The following NDUFA6 variants were observed in gnomAD, a reference collection of about 807,000 sequenced individuals.
NDUFA6 encodes NADH dehydrogenase [ubiquinone] 1 alpha subcomplex subunit 6.
NDUFA6 carries 10 observed loss-of-function variants against 12.5 expected under a neutral mutation model. The ratio of observed to expected loss-of-function variants is 0.80; its 90% CI spans 0.49 to 1.35. The LOEUF (loss-of-function observed/expected upper bound fraction) is 1.35, where lower values mean the gene tolerates loss of function less well. Ranked by LOEUF, NDUFA6 falls within the 40% of genes most tolerant of loss-of-function variation. The pLI, the probability that NDUFA6 is intolerant of heterozygous loss-of-function variation, is 0.00. For synonymous variants in NDUFA6, 66 were observed against 63.0 expected (o/e 1.05, Z -0.23); for missense variants, 177 against 173.5 (o/e 1.02, Z -0.11).
At position 42,085,857 on chromosome 22, in the gene NDUFA6, C is replaced by G; in HGVS notation, c.*326G>C. On this transcript the variant is annotated 3_prime_UTR_variant, in exon 3 of 3. Transcript: ENST00000498737. The stretch of plus-strand genomic sequence containing the variant: ...GTGCCCTGACACTGAAGTGTCTAAT[C>G]ATAGGGGCTATAGAAACAACTACAT... 4.6e-6 allele frequency: 2 copies of G among 431,398 alleles called. No individual in the cohort carries two copies. 26.7% of individuals were successfully genotyped at this position (431,398 alleles called of 1,614,324 possible). A position where few individuals can be genotyped will look rare whatever the true frequency, so the allele number is the denominator to read the frequency against.
At chr22:42,087,265 CCATT>C in intron 1 of NDUFA6, 90 bp from the exon 2 acceptor site, 1 of 1,002,064 alleles carries the variant, frequency 1.0e-6, no homozygotes, top group Non-Finnish European at 1.6e-6. Flanking sequence ...TACAGGTCGC[CCATT>C]CATTTCTTCA....
chr22:42,087,785 G>C (rs1279220038), intron 1 of NDUFA6, among the ~76,000 whole-genome samples: 1 of 148,442 alleles, frequency 6.7e-6, no homozygotes, highest in Non-Finnish European at 1.5e-5. Flanking sequence ...CTGGGTGACA[G>C]AGCGAGACTC....
Position 42,090,599 on chromosome 22 carries a change from C to A in NDUFA6, c.139+7G>T. The A allele has an allele frequency of 2.5e-6, 4 of 1,613,578 alleles. No individual in the cohort carries two copies. The highest frequency in any genetic ancestry group is 3.4e-6 in the Non-Finnish European group (4 of 1,179,964). On this transcript the variant is annotated splice_region_variant and intron_variant, in intron 1 of 2. Coordinates refer to ENST00000498737, the MANE Select transcript of NDUFA6 (RefSeq NM_002490.6). ...TCCGGGTCCCCACGTAAGCCGCTAC[C>A]TCTCACCAGTGTTCGGCACCTCCCG...
intron 1 of NDUFA6, among the ~76,000 whole-genome samples, chr22:42,088,000 C>T (rs1216208356): frequency 7.5e-5 from 11 of 146,194 alleles, no homozygotes; most frequent in African/African-American, 1.5e-4. Context: ...CCCAGCTACT[C>T]GGGAGACTGA....
intron 1 of NDUFA6, among the ~76,000 whole-genome samples, chr22:42,088,364 G>A (rs563271041): frequency 1.1e-3 from 162 of 151,832 alleles, no homozygotes; most frequent in African/African-American, 3.8e-3. Flanking sequence ...CCGAGATTGC[G>A]CCACTGCAGT....
intron 1 of NDUFA6, among the ~76,000 whole-genome samples, chr22:42,089,443 A>G (rs1024078012): frequency 6.6e-6 from 1 of 151,830 alleles, no homozygotes; most frequent in African/African-American, 2.4e-5. Flanking sequence ...AGATCACTCA[A>G]GTTTCTCCTT....
chr22:42,090,329 G>A (rs1602522849), intron 1 of NDUFA6, among the ~76,000 whole-genome samples: 1 of 152,252 alleles, frequency 6.6e-6, no homozygotes, highest in Non-Finnish European at 1.5e-5. Flanking sequence ...CAAAGTGAGT[G>A]TGTCACTGAC....
rs1368636808 is a variant in NDUFA6, at chr22:42,085,856, T to C, written c.*327A>G. 1 of 428,926 alleles carries C rather than the reference T, an allele frequency of 2.3e-6. No individual in the cohort carries two copies. The highest frequency in any genetic ancestry group is 4.3e-6 in the Non-Finnish European group (1 of 231,164). 26.6% of individuals were successfully genotyped at this position (428,926 alleles called of 1,614,324 possible). A position where few individuals can be genotyped will look rare whatever the true frequency, so the allele number is the denominator to read the frequency against. The stretch of plus-strand genomic sequence containing the variant: ...TGTGCCCTGACACTGAAGTGTCTAA[T>C]CATAGGGGCTATAGAAACAACTACA... On this transcript the variant is annotated 3_prime_UTR_variant, in exon 3 of 3. Transcript: ENST00000498737.
rs780217682 is a variant in NDUFA6 at position 42,090,613 on chromosome 22, C to G, written c.132G>C (p.Pro44=). ...TAAGCCGCTACCTCTCACCAGTGTT[C>G]GGCACCTCCCGATACCAGGCGCGGT... ...ELYRAWYREV[P]NTVHQFQLDI... Residue 44 remains proline (P), a synonymous_variant, in exon 1 of 3, where the codon CCG becomes CCC. Coordinates refer to ENST00000498737, the MANE Select transcript of NDUFA6 (RefSeq NM_002490.6). 4 of 1,613,792 alleles carry G rather than the reference C, an allele frequency of 2.5e-6. No individual in the cohort carries two copies. The highest frequency in any genetic ancestry group is 3.3e-4 in the Middle Eastern group (2 of 6,062).
rs557777752 is a variant in NDUFA6, at chr22:42,085,778, T to A, written c.*405A>T. 22 of 281,306 alleles carry A rather than the reference T, an allele frequency of 7.8e-5. No homozygotes were observed. Among genetic ancestry groups the A allele is most frequent in the African/African-American group, 3.8e-4 (17 of 45,030 alleles). The allele number at this position is 281,306 out of a possible 1,614,324, so 17.4% of individuals were successfully genotyped here. ...ATCTTGACAGCTCTACTTTTGCGCC[T>A]GTTAGTGCTGCCCTGATCCCTGACA... On this transcript the variant is annotated 3_prime_UTR_variant, in exon 3 of 3. Transcript: ENST00000498737.
intron 1 of NDUFA6, among the ~76,000 whole-genome samples, chr22:42,089,304 T>C (rs1218341497): frequency 6.9e-6 from 1 of 144,080 alleles, no homozygotes; most frequent in African/African-American, 2.8e-5. Context: ...TTCAAACTGC[T>C]GAATTTGAAT....
At chr22:42,086,392 C>T in intron 2 of NDUFA6, 78 bp from the exon 3 acceptor site, 1 of 1,581,006 alleles carries the variant, frequency 6.3e-7, no homozygotes, top group South Asian at 1.1e-5. Flanking sequence ...GGATTCTATT[C>T]TCTGCTCAGC....
rs148627058 is a variant in NDUFA6, at chr22:42,090,724, G to C, written c.21C>G (p.Arg7=). The C allele has an allele frequency of 2.5e-6, 4 of 1,614,172 alleles. No homozygotes were observed. The highest frequency in any genetic ancestry group is 3.4e-6 in the Non-Finnish European group (4 of 1,180,036). ...AGGTGCTGGCGGTAGAAGTAGCTTG[G>C]CGGACGCCGCTCCCCGCCATCTTGC... MAGSGV[R]QATSTASTFV... is the part of the protein sequence containing the mutation. The change falls in exon 1 of 3, where the codon CGC becomes CGG. Residue 7 remains arginine, a synonymous_variant. Transcript: ENST00000498737.
chr22:42,089,417 C>T (rs1342806084), intron 1 of NDUFA6, among the ~76,000 whole-genome samples: 1 of 151,934 alleles, frequency 6.6e-6, no homozygotes, highest in Admixed American at 6.6e-5. Flanking sequence ...TCTGAATTTG[C>T]AGTCCCTGAA....
At position 42,085,872 on chromosome 22, in the gene NDUFA6, A is replaced by G; in HGVS notation, c.*311T>C. The G allele has an allele frequency of 2.1e-6, 1 of 468,460 alleles. No individual in the cohort carries two copies. The highest frequency in any genetic ancestry group is 3.9e-6 in the Non-Finnish European group (1 of 256,358). The allele number at this position is 468,460 out of a possible 1,614,324, so 29.0% of individuals were successfully genotyped here. ...AGTGTCTAATCATAGGGGCTATAGAAACAACTACATTAACAAGTCGTCCAG... is the reference window on the plus strand; with the variant it reads ...AGTGTCTAATCATAGGGGCTATAGAGACAACTACATTAACAAGTCGTCCAG... On this transcript the variant is annotated 3_prime_UTR_variant, in exon 3 of 3. Coordinates refer to ENST00000498737, the MANE Select transcript of NDUFA6 (RefSeq NM_002490.6).
At chr22:42,087,198 G>A (rs768820255) in intron 1 of NDUFA6, 23 bp from the exon 2 acceptor site, 4 of 1,525,174 alleles carry the variant, frequency 2.6e-6, no homozygotes, top group Middle Eastern at 1.7e-4. Context: ...ACATGACTCA[G>A]GGTAGAAATT....
At position 42,087,445 on chromosome 22, in the gene NDUFA6, G is replaced by A. The variant is rs543948907; in HGVS notation, c.140-270C>T. On this transcript the variant is annotated intron_variant, in intron 1 of 2. Coordinates refer to ENST00000498737, the MANE Select transcript of NDUFA6 (RefSeq NM_002490.6). ...TTGAACAACCTGGGTTCAAATCCCA[G>A]CTTTTGTTAGCTATATGATCCCGTG... is the stretch of plus-strand genomic sequence containing the variant. 4.0e-5 allele frequency: 19 copies of A among 474,046 alleles called. No individual in the cohort carries two copies. The East Asian group carries it at 7.2e-4, about 18-fold the overall frequency. 29.4% of individuals were successfully genotyped at this position (474,046 alleles called of 1,614,324 possible).
chr22:42,086,138 T>C lies in NDUFA6; in HGVS notation c.*45A>G. ...GTGACCATTGTATAGTGAGTTTATT[T>C]GTGCTCTAAAATAGTATCAACGTGC... On this transcript the variant is annotated 3_prime_UTR_variant, in exon 3 of 3. Transcript: ENST00000498737. The C allele has an allele frequency of 6.2e-7, 1 of 1,613,992 alleles. No individual in the cohort carries two copies. Among genetic ancestry groups the C allele is most frequent in the South Asian group, 1.1e-5 (1 of 91,090 alleles).
At position 42,090,772 on chromosome 22, in the gene NDUFA6, C is replaced by A; in HGVS notation, c.-28G>T. The A allele has an allele frequency of 6.2e-7, 1 of 1,614,236 alleles. No individual in the cohort carries two copies. ...TGCCAAAGCATCCACTCCACAACCC[C>A]ACCCCTTTGCAAGCAGCGCGTGCGG... On this transcript the variant is annotated 5_prime_UTR_variant, in exon 1 of 3. Coordinates refer to ENST00000498737, the MANE Select transcript of NDUFA6 (RefSeq NM_002490.6).
Sources: allele counts gnomAD v4.1 joint callset (sites outside exome capture counted in the v4.1 genomes callset), GRCh38; gene constraint gnomAD v4.1.1; transcripts MANE v1.5; gene names NCBI Gene and HGNC (gene_info 2026-07-23, HGNC 2026-07-21).